The following SGK3 variants were observed in gnomAD, a reference collection of about 807,000 sequenced individuals.
SGK3 encodes the protein serine/threonine-protein kinase Sgk3.
A neutral mutation model predicts 68.5 loss-of-function variants in SGK3; 47 were observed. The observed-to-expected ratio is 0.69, with a 90% CI of 0.54 to 0.87. The LOEUF is 0.87. Among genes scored for constraint, SGK3 ranks in the 40% least tolerant of loss-of-function variants. The pLI, the probability that SGK3 is intolerant of heterozygous loss-of-function variation, is 0.00. For synonymous variants in SGK3, 181 were observed against 189.1 expected (o/e 0.96, Z 0.35); for missense variants, 479 against 575.5 (o/e 0.83, Z 1.72).
chr8:66,837,091 A>G lies in SGK3; in HGVS notation c.741+1017A>G, dbSNP rs554376893. 1.6e-3 allele frequency among the ~76,000 whole-genome samples: 249 copies of G among 152,262 alleles called. 1 individual carries two copies. Among genetic ancestry groups the G allele is most frequent in the African/African-American group, 5.8e-3 (242 of 41,544 alleles). ...TATAATTTTACCTTCACAACAATCT[A>G]TAGTAAGACTGACTGAGGCACAGAG... On this transcript the variant is annotated intron_variant, in intron 10 of 16. Transcript: ENST00000521198.
At chr8:66,742,423 A>G (rs1036685605) in intron 1 of SGK3, among the ~76,000 whole-genome samples, 6 of 152,140 alleles carry the variant, frequency 3.9e-5, no homozygotes, top group African/African-American at 1.4e-4. Context: ...GCTGGAGTGC[A>G]GTGGCATGGT....
intron 12 of SGK3, 24 bp downstream of exon 12, chr8:66,840,271 T>C (rs1184703055): frequency 6.5e-7 from 1 of 1,548,434 alleles, no homozygotes; most frequent in East Asian, 2.3e-5. Flanking sequence ...TTTAAAAATC[T>C]ACTAGTTCTC....
At chr8:66,739,186 G>A (rs955503051) in intron 1 of SGK3, among the ~76,000 whole-genome samples, 7 of 152,118 alleles carry the variant, frequency 4.6e-5, no homozygotes, top group African/African-American at 9.7e-5. Flanking sequence ...CAAGGACATG[G>A]CGCTGGATTC....
At chr8:66,721,620 C>T (rs1413032210) in intron 1 of SGK3, among the ~76,000 whole-genome samples, 2 of 152,066 alleles carry the variant, frequency 1.3e-5, no homozygotes, top group Non-Finnish European at 2.9e-5. Context: ...CCCACCTCCT[C>T]TTCTCTAAAT....
intron 1 of SGK3, chr8:66,737,189 A>G (rs1213721014): frequency 6.6e-6 from 1 of 151,982 alleles, no homozygotes; most frequent in Admixed American, 6.6e-5. Flanking sequence ...AATTACTTCA[A>G]AGGAAGATAT....
At chr8:66,719,168 A>G (rs755153294) in intron 1 of SGK3, among the ~76,000 whole-genome samples, 20 of 152,098 alleles carry the variant, frequency 1.3e-4, no homozygotes, top group South Asian at 6.2e-4. Context: ...AATTTTATCT[A>G]CAGAGATTAC....
At chr8:66,750,121 T>C (rs897833473) in intron 1 of SGK3, among the ~76,000 whole-genome samples, 2 of 152,102 alleles carry the variant, frequency 1.3e-5, no homozygotes, top group African/African-American at 4.8e-5. Flanking sequence ...CAGTTTTTAC[T>C]GTGACATTTG....
Position 66,742,290 on chromosome 8 carries a change from A to G in SGK3, c.-122+29457A>G, listed in dbSNP as rs991385318. Among the ~76,000 whole-genome samples the G allele has an allele frequency of 3.9e-5, 6 of 152,368 alleles. No individual in the cohort carries two copies. In the East Asian group the frequency reaches 7.7e-4, roughly 20 times the overall value. On this transcript the variant is annotated intron_variant, in intron 1 of 16. Transcript: ENST00000521198. ...TTTAGGAGAAAAAAAATCAAAATGA[A>G]TAAAATGAACTTCATTTGGTTCACT...
At chr8:66,723,533 T>G (rs1389364805) in intron 1 of SGK3, among the ~76,000 whole-genome samples, 2 of 152,006 alleles carry the variant, frequency 1.3e-5, no homozygotes, top group African/African-American at 4.8e-5. Flanking sequence ...AGCCTCAACC[T>G]CCCAGGCTCA....
intron 16 of SGK3, among the ~76,000 whole-genome samples, chr8:66,857,799 A>ATGTGTGTGTGTGTGTG (rs111758415): frequency 3.0e-5 from 4 of 133,710 alleles, no homozygotes; most frequent in African/African-American, 8.2e-5. Flanking sequence ...GTGTGTGTGT[A>ATGTGTGTGTGTGTGTG]TGTGTGTGTG....
intron 4 of SGK3, among the ~76,000 whole-genome samples, chr8:66,809,640 T>C (rs1808301374): frequency 6.6e-6 from 1 of 152,226 alleles, no homozygotes; most frequent in South Asian, 2.1e-4. Flanking sequence ...ATCTTGCCTT[T>C]GTTGTATGAA....
chr8:66,722,712 T>A (rs752319583), intron 1 of SGK3, among the ~76,000 whole-genome samples: 2 of 152,180 alleles, frequency 1.3e-5, no homozygotes, highest in Non-Finnish European at 2.9e-5. Flanking sequence ...AAAAAATACC[T>A]GAGACTGAGT....
Position 66,843,453 on chromosome 8 carries a change from A to G in SGK3, c.980A>G (p.Tyr327Cys), listed in dbSNP as rs1809874899. 6.2e-7 allele frequency: 1 copy of G among 1,612,632 alleles called. No homozygotes were observed. Among genetic ancestry groups the G allele is most frequent in the South Asian group, 1.1e-5 (1 of 90,982 alleles). The change falls in exon 14 of 17, where the codon TAT becomes TGT. Residue 327 changes from tyrosine (Y) to cysteine (C), a missense_variant and splice_region_variant. By Grantham distance (194) the Tyr-to-Cys change is radical. Transcript: ENST00000521198. ...CTAATATTTTATTGTTTTCTATAGT[A>G]TCTTGCACCTGAAGTAATTAGAAAA... ...TTTTFCGTPEYLAPEVIRKQP... is the reference protein window; with the variant it reads ...TTTTFCGTPECLAPEVIRKQP...
At chr8:66,731,701 A>T (rs1585641569) in intron 1 of SGK3, among the ~76,000 whole-genome samples, 1 of 151,860 alleles carries the variant, frequency 6.6e-6, no homozygotes, top group East Asian at 1.9e-4. Flanking sequence ...CACCTGGCTA[A>T]TTTTTTGTAT....
chr8:66,749,009 C>T (rs1329878267), intron 1 of SGK3, among the ~76,000 whole-genome samples: 1 of 152,164 alleles, frequency 6.6e-6, no homozygotes, highest in Non-Finnish European at 1.5e-5. Context: ...ATCCTCCCAT[C>T]TCAGCCGCTT....
At position 66,793,710 on chromosome 8, in the gene SGK3, T is replaced by A. The variant is rs1230360332; in HGVS notation, c.-27T>A. 1 of 1,602,604 alleles carries A rather than the reference T, an allele frequency of 6.2e-7. No homozygotes were observed. Among genetic ancestry groups the A allele is most frequent in the Non-Finnish European group, 8.5e-7 (1 of 1,173,414 alleles). On this transcript the variant is annotated 5_prime_UTR_variant, in exon 2 of 17. Coordinates refer to ENST00000521198, the MANE Select transcript of SGK3 (RefSeq NM_001033578.3). ...TCTGCTGACTGTTTCTTCGGATGCA[T>A]TTTTTGGTGTGCTCTTGAGGGATTA...
At chr8:66,743,313 G>T (rs1401131961) in intron 1 of SGK3, among the ~76,000 whole-genome samples, 3 of 152,138 alleles carry the variant, frequency 2.0e-5, no homozygotes, top group Non-Finnish European at 4.4e-5. Context: ...AATGCTTCTG[G>T]CTTATAATGT....
At chr8:66,775,549 C>G (rs1379671457) in intron 1 of SGK3, 5 of 152,270 alleles carry the variant, frequency 3.3e-5, no homozygotes, top group Non-Finnish European at 7.3e-5. Flanking sequence ...GCTGCGACTT[C>G]GCGGCACTCA....
In SGK3 at chr8:66,779,682, C is replaced by CAT. The variant is rs59617969; in HGVS notation, c.-121-13922_-121-13921dup. Among the ~76,000 whole-genome samples the CAT allele has an allele frequency of 2.1e-3, 298 of 140,332 alleles. 3 individuals carry two copies. The highest frequency in any genetic ancestry group is 6.4e-3 in the African/African-American group (245 of 38,338). 92.1% of individuals were successfully genotyped at this position (140,332 alleles called of 152,430 possible). A position where few individuals can be genotyped will look rare whatever the true frequency, so the allele number is the denominator to read the frequency against. On this transcript the variant is annotated intron_variant, in intron 1 of 16. Transcript: ENST00000521198. ...TACATATATATGTATAAAATTAGGG[C>CAT]ATATATATATATACCCTAATTTTTG...
Sources: allele counts gnomAD v4.1 joint callset (sites outside exome capture counted in the v4.1 genomes callset), GRCh38; gene constraint gnomAD v4.1.1; transcripts MANE v1.5; gene names NCBI Gene and HGNC (gene_info 2026-07-23, HGNC 2026-07-21).